Variants in SEPTIN3 observed in about 807,000 individuals in gnomAD.
The protein encoded by SEPTIN3 is neuronal-specific septin-3.
In SEPTIN3, 15 loss-of-function variants were observed where a neutral mutation model predicts 45.1. The observed-to-expected ratio is 0.33, with a 90% CI of 0.22 to 0.51. SEPTIN3 has a LOEUF of 0.51. Ranked by LOEUF, SEPTIN3 falls within the 20% of genes least tolerant of loss-of-function variation. The pLI is 0.97. For missense variants in SEPTIN3, 289 were observed against 457.2 expected (o/e 0.63, Z 3.35); for synonymous variants, 148 against 164.8 (o/e 0.90, Z 0.78).
At chr22:41,988,745 G>C (rs1208437588) in intron 6 of SEPTIN3, among the ~76,000 whole-genome samples, 1 of 152,128 alleles carries the variant, frequency 6.6e-6, no homozygotes, top group Non-Finnish European at 1.5e-5. Flanking sequence ...GTCAGATTGT[G>C]GGAAGGGCAA....
intron 3 of SEPTIN3, 96 bp from the exon 4 acceptor site, chr22:41,985,888 G>A (rs56177503): frequency 0.052 from 74,201 of 1,436,450 alleles, 2,208 homozygotes; most frequent in Non-Finnish European, 0.06. Context: ...GTGTGGCCTG[G>A]ATCATGGCTC....
chr22:41,987,413 G>T, intron 5 of SEPTIN3, 126 bp downstream of exon 5: 1 of 1,123,402 alleles, frequency 8.9e-7, no homozygotes, highest in South Asian at 1.5e-5. Context: ...GACAGCCCAG[G>T]CCAGGGCCCC....
rs1480056682 is a variant in SEPTIN3 at position 41,992,669 on chromosome 22, G to A, written c.2265G>A (p.Glu755=). 2 of 1,603,278 alleles carry A rather than the reference G, an allele frequency of 1.2e-6. No homozygotes were observed. The highest frequency in any genetic ancestry group is 1.7e-6 in the Non-Finnish European group (2 of 1,174,006). ...DKTENDKIRQ[E]SMPFAVVGSD... Reference sequence around the variant, plus strand: ...TGTGTTTCTGCCCCGTGCAGCAGGAGAGCATGCCTTTTGCTGTGGTGGGAA... The same window carrying A: ...TGTGTTTCTGCCCCGTGCAGCAGGAAAGCATGCCTTTTGCTGTGGTGGGAA... The change falls in exon 9 of 12, where the codon GAG becomes GAA. Residue 755 remains glutamate, a synonymous_variant. Coordinates refer to ENST00000644076, the MANE Select transcript of SEPTIN3 (RefSeq NM_001363845.2).
chr22:41,985,978 C>T lies in SEPTIN3; in HGVS notation c.1697-6C>T. ...CTCCCTACCTCCTCCTCCTGCTTTGCTGTAGGCCAGAGTGGACTGGGCAAA... is the reference window on the plus strand; with the variant it reads ...CTCCCTACCTCCTCCTCCTGCTTTGTTGTAGGCCAGAGTGGACTGGGCAAA... On this transcript the variant is annotated splice_polypyrimidine_tract_variant and splice_region_variant and intron_variant, in intron 3 of 11. Coordinates refer to ENST00000644076, the MANE Select transcript of SEPTIN3 (RefSeq NM_001363845.2). The T allele has an allele frequency of 6.2e-7, 1 of 1,603,710 alleles. No homozygotes were observed. Among genetic ancestry groups the T allele is most frequent in the Non-Finnish European group, 8.5e-7 (1 of 1,174,888 alleles).
In SEPTIN3 at chr22:41,972,545, T is replaced by C; in HGVS notation, c.1053T>C (p.Asp351=). ...VGTTKPGMVM[D]LIASEPDKLG... is the part of the protein sequence containing the mutation. Reference sequence around the variant, plus strand: ...CAACCAAGCCAGGGATGGTCATGGATTTGATAGCCTCAGAACCAGACAAGC... The same window carrying C: ...CAACCAAGCCAGGGATGGTCATGGACTTGATAGCCTCAGAACCAGACAAGC... Residue 351 remains aspartate (D), a synonymous_variant, in exon 2 of 12, where the codon GAT becomes GAC. Coordinates refer to ENST00000644076, the MANE Select transcript of SEPTIN3 (RefSeq NM_001363845.2). The C allele has an allele frequency of 2.5e-6, 1 of 399,100 alleles. No homozygotes were observed. The highest frequency in any genetic ancestry group is 3.6e-5 in the East Asian group (1 of 28,086). 24.7% of individuals were successfully genotyped at this position (399,100 alleles called of 1,614,324 possible).
intron 11 of SEPTIN3, 88 bp from the exon 12 acceptor site, chr22:41,996,811 CATG>C: frequency 6.3e-7 from 1 of 1,579,670 alleles, no homozygotes; most frequent in Non-Finnish European, 8.6e-7. Flanking sequence ...ACCCCTGAAC[CATG>C]ATCTGAGCCT....
Sources: gnomAD v4.1 joint callset for allele counts (sites outside exome capture counted in the v4.1 genomes callset) on GRCh38, gnomAD v4.1.1 for gene constraint, MANE v1.5 for transcripts, NCBI Gene and HGNC (gene_info 2026-07-23, HGNC 2026-07-21) for gene names.